The following SAMD12 variants were observed in gnomAD, a reference collection of about 807,000 sequenced individuals.
SAMD12 encodes sterile alpha motif domain-containing protein 12.
SAMD12 carries 9 observed loss-of-function variants against 15.0 expected under a neutral mutation model. The observed-to-expected ratio is 0.60, with a 90% CI of 0.36 to 1.05. SAMD12 has a LOEUF of 1.05. SAMD12 is among the 50% of genes least tolerant of loss of function. SAMD12 has a pLI of 0.01. For missense variants in SAMD12, 230 were observed against 234.2 expected, an observed-to-expected ratio of 0.98 and a Z score of 0.12; for synonymous variants, 86 against 90.1, an observed-to-expected ratio of 0.96 and a Z score of 0.25.
intron 2 of SAMD12, among the ~76,000 whole-genome samples, chr8:118,488,650 C>T (rs1824353688): frequency 6.6e-6 from 1 of 152,156 alleles, no homozygotes; most frequent in South Asian, 2.1e-4. Context: ...CTGTGTCTGG[C>T]TCCTTTTGTT....
chr8:118,203,984 C>T lies in SAMD12; in HGVS notation c.434-6252G>A, dbSNP rs115764275. 3.9e-3 allele frequency among the ~76,000 whole-genome samples: 598 copies of T among 151,904 alleles called. 3 individuals carry two copies. The highest frequency in any genetic ancestry group is 0.014 in the African/African-American group (578 of 41,416). ...CCAAATATATCACTCCCAAAATAGGCCAAGATAAAAACCAACATAAGTGTG... is the reference window on the plus strand; with the variant it reads ...CCAAATATATCACTCCCAAAATAGGTCAAGATAAAAACCAACATAAGTGTG... On this transcript the variant is annotated intron_variant, in intron 4 of 4. Coordinates refer to the SAMD12 transcript ENST00000409003.
chr8:118,574,858 T>C (rs921741978), intron 2 of SAMD12, among the ~76,000 whole-genome samples: 4 of 152,208 alleles, frequency 2.6e-5, no homozygotes, highest in Non-Finnish European at 5.9e-5. Flanking sequence ...CAGCTTTGTT[T>C]GGAGACATTT....
At chr8:118,196,891 A>G (rs2129754338) in exon 5 of SAMD12, 1 of 152,334 alleles carries the variant, frequency 6.6e-6, no homozygotes, top group South Asian at 2.1e-4. Context: ...GCCTGTGAAC[A>G]AAGAAGCAAG....
At chr8:118,574,261 G>A (rs564475116) in intron 2 of SAMD12, among the ~76,000 whole-genome samples, 11 of 152,186 alleles carry the variant, frequency 7.2e-5, no homozygotes, top group South Asian at 2.1e-4. Context: ...TGATACACTC[G>A]CCTGAACACC....
chr8:118,247,257 A>G (rs1293965216), intron 4 of SAMD12, among the ~76,000 whole-genome samples: 1 of 152,062 alleles, frequency 6.6e-6, no homozygotes, highest in Non-Finnish European at 1.5e-5. Flanking sequence ...GGCTGGGGAG[A>G]AGGAGGGGCA....
chr8:118,162,132 C>T, the SAMD12 span, among the ~76,000 whole-genome samples: 1 of 147,868 alleles, frequency 6.8e-6, no homozygotes, highest in African/African-American at 2.5e-5. Context: ...TGCACTCCAG[C>T]CTGGGCAGCA....
At chr8:118,469,954 TAATAA>T (rs1227318906) in intron 2 of SAMD12, among the ~76,000 whole-genome samples, 1 of 152,154 alleles carries the variant, frequency 6.6e-6, no homozygotes, top group East Asian at 1.9e-4. Flanking sequence ...AGAAGTGTCT[TAATAA>T]ATTATGACAT....
At chr8:118,544,361 C>T (rs1826066905) in intron 2 of SAMD12, among the ~76,000 whole-genome samples, 1 of 152,040 alleles carries the variant, frequency 6.6e-6, no homozygotes, top group Non-Finnish European at 1.5e-5. Context: ...ACAATAGGGC[C>T]AAATGGAAGC....
At chr8:118,348,669 GC>G (rs1817798572) in intron 4 of SAMD12, among the ~76,000 whole-genome samples, 1 of 152,178 alleles carries the variant, frequency 6.6e-6, no homozygotes. Flanking sequence ...ACCGCACCCG[GC>G]CCGCTTATTA....
chr8:118,395,545 T>C (rs973601945), intron 3 of SAMD12, among the ~76,000 whole-genome samples: 1 of 152,188 alleles, frequency 6.6e-6, no homozygotes, highest in South Asian at 2.1e-4. Context: ...CAAAATGTCA[T>C]GTACAAGGTT....
chr8:118,205,887 C>G (rs1450622722), intron 4 of SAMD12, among the ~76,000 whole-genome samples: 1 of 152,158 alleles, frequency 6.6e-6, no homozygotes, highest in Non-Finnish European at 1.5e-5. Flanking sequence ...CCCTTGTGTG[C>G]AAACTGTCTC....
At chr8:118,617,367 G>A (rs1828264336) in intron 1 of SAMD12, among the ~76,000 whole-genome samples, 1 of 152,182 alleles carries the variant, frequency 6.6e-6, no homozygotes, top group African/African-American at 2.4e-5. Flanking sequence ...TTTTGGTGAT[G>A]TGTAGTTTCT....
At chr8:118,613,227 T>C (rs1662287700) in intron 1 of SAMD12, among the ~76,000 whole-genome samples, 1 of 152,020 alleles carries the variant, frequency 6.6e-6, no homozygotes, top group East Asian at 1.9e-4. Context: ...TTAAAACCAA[T>C]TTAAATACCA....
chr8:118,173,503 T>G, the SAMD12 span, among the ~76,000 whole-genome samples: 1 of 151,390 alleles, frequency 6.6e-6, no homozygotes, highest in Admixed American at 6.6e-5. Flanking sequence ...TCTGTTTTCT[T>G]TTATGCGATG....
In SAMD12 at chr8:118,259,211, G is replaced by T. The variant is rs898785461; in HGVS notation, c.434-61479C>A. Among the ~76,000 whole-genome samples, 3 of 152,108 alleles carry T rather than the reference G, an allele frequency of 2.0e-5. No individual in the cohort carries two copies. In the East Asian group the frequency reaches 5.8e-4, roughly 29 times the overall value. ...TATAACTGTTCCAGCCAGTACTCTA[G>T]CTTAACAATCCAGGAGCCTATGTCT... On this transcript the variant is annotated intron_variant, in intron 4 of 4. Coordinates refer to the SAMD12 transcript ENST00000409003.
intron 3 of SAMD12, among the ~76,000 whole-genome samples, chr8:118,381,703 C>G (rs1451312979): frequency 1.3e-5 from 2 of 152,174 alleles, no homozygotes; most frequent in East Asian, 3.9e-4. Flanking sequence ...ATCTCCCACA[C>G]CCCATAGAAA....
At chr8:118,494,321 G>T (rs1263609454) in intron 2 of SAMD12, among the ~76,000 whole-genome samples, 1 of 152,156 alleles carries the variant, frequency 6.6e-6, no homozygotes, top group Admixed American at 6.5e-5. Flanking sequence ...ATAACTACAG[G>T]ATATAAATTT....
At chr8:118,281,502 G>A (rs1485321068) in intron 4 of SAMD12, among the ~76,000 whole-genome samples, 1 of 152,234 alleles carries the variant, frequency 6.6e-6, no homozygotes, top group Non-Finnish European at 1.5e-5. Context: ...ATGAATGGAT[G>A]ACTTTTAATA....
intron 4 of SAMD12, among the ~76,000 whole-genome samples, chr8:118,348,332 G>T (rs942943586): frequency 1.3e-5 from 2 of 152,030 alleles, no homozygotes; most frequent in African/African-American, 4.8e-5. Flanking sequence ...GCCTCCCAAA[G>T]TGTTGGGGTT....
Sources: allele counts gnomAD v4.1 joint callset (sites outside exome capture counted in the v4.1 genomes callset), GRCh38; gene constraint gnomAD v4.1.1; transcripts MANE v1.5; gene names NCBI Gene and HGNC (gene_info 2026-07-23, HGNC 2026-07-21).